COL2A1: variants seen among roughly 807,000 people sequenced by gnomAD.
COL2A1 encodes collagen alpha-1(II) chain.
In COL2A1, 28 loss-of-function variants were observed where a neutral mutation model predicts 204.5. The observed-to-expected ratio is 0.14, with a 90% CI of 0.10 to 0.19. COL2A1 has a LOEUF of 0.19. Among genes scored for constraint, COL2A1 ranks in the 10% least tolerant of loss-of-function variants. The pLI is 1.00. For synonymous variants in COL2A1, 708 were observed against 718.7 expected, an observed-to-expected ratio of 0.99 and a Z score of 0.24; for missense variants, 1,388 against 2,027.5, an observed-to-expected ratio of 0.68 and a Z score of 6.06.
chr12:47,984,500 A>T (rs1335972252), intron 28 of COL2A1, 46 bp downstream of exon 28: 5 of 1,601,098 alleles, frequency 3.1e-6, no homozygotes, highest in Non-Finnish European at 4.3e-6. Flanking sequence ...CTCCCTGCAG[A>T]TGCCCGGCCA....
In COL2A1 at chr12:47,977,113, G is replaced by T; in HGVS notation, c.3316C>A (p.Arg1106=). The change falls in exon 47 of 54, where the codon CGG becomes AGG. Residue 1106 remains arginine, a synonymous_variant. Transcript: ENST00000380518. The part of the protein sequence containing the change: ...PMGPSGPAGA[R]GIQGPQGPRG... ...ACTTGGATACTCACCTGGATTCCCC[G>T]GGCTCCAGCTGGTCCTGAGGGTCCC... The T allele has an allele frequency of 6.2e-7, 1 of 1,608,404 alleles. No individual in the cohort carries two copies. Among genetic ancestry groups the T allele is most frequent in the Non-Finnish European group, 8.5e-7 (1 of 1,177,960 alleles).
chr12:47,995,955 A>G, intron 8 of COL2A1, 36 bp from the exon 9 acceptor site: 1 of 1,574,558 alleles, frequency 6.4e-7, no homozygotes, highest in Non-Finnish European at 8.7e-7. Context: ...TTTACTACAC[A>G]TGCTTCCTCA....
chr12:47,975,556 G>T lies in COL2A1; in HGVS notation c.3647C>A (p.Pro1216His), dbSNP rs1418851351. Reference sequence around the variant, plus strand: ...AGCAAAGGCGGACATGTCGATGCCAGGGCCAGGGGGACCTGGAGGACCAGG... The same window carrying T: ...AGCAAAGGCGGACATGTCGATGCCATGGCCAGGGGGACCTGGAGGACCAGG... ...GPPGPPGPPGPGIDMSAFAGL... is the reference protein window; with the variant it reads ...GPPGPPGPPGHGIDMSAFAGL... The change falls in exon 51 of 54, where the codon CCT (proline) becomes CAT (histidine). Residue 1216 changes from proline (P) to histidine (H), a missense_variant. Pro to His is a moderately conservative substitution (Grantham distance 77). Transcript: ENST00000380518. 1 of 1,603,872 alleles carries T rather than the reference G, an allele frequency of 6.2e-7. No homozygotes were observed. The highest frequency in any genetic ancestry group is 1.1e-5 in the South Asian group (1 of 91,086).
chr12:47,973,811 C>T lies in COL2A1; in HGVS notation c.4318-258G>A, dbSNP rs576171620. On this transcript the variant is annotated intron_variant, in intron 53 of 53. Coordinates refer to ENST00000380518, the MANE Select transcript of COL2A1 (RefSeq NM_001844.5). The stretch of plus-strand genomic sequence containing the variant: ...CCCACAGTGAGCTCCCAACCTGTGA[C>T]CGCTTCTTCACCCTGTACACATTGC... Among the ~76,000 whole-genome samples, 15 of 152,268 alleles carry T rather than the reference C, an allele frequency of 9.9e-5. No individual in the cohort carries two copies. In the South Asian group the frequency reaches 3.1e-3, roughly 32 times the overall value.
At chr12:47,985,117 A>C in intron 26 of COL2A1, 24 bp from the exon 27 acceptor site, 18 of 1,582,606 alleles carry the variant, frequency 1.1e-5, no homozygotes, top group African/African-American at 2.7e-5. Context: ...CACCATTCTC[A>C]GAACATAGAC....
chr12:47,981,808 G>T lies in COL2A1; in HGVS notation c.2377C>A (p.Pro793Thr), dbSNP rs1391341631. 5 of 1,554,632 alleles carry T rather than the reference G, an allele frequency of 3.2e-6. No individual in the cohort carries two copies. In the African/African-American group the frequency reaches 4.1e-5, roughly 13 times the overall value. ...GGRGLTGPIG[P>T]PGPAGANGEK... ...CCATTAGCACCAGCTGGGCCAGGGG[G>T]GCCAATGGGACCTGTCAGGCCCTGC... The change falls in exon 36 of 54, where the codon CCC (proline) becomes ACC (threonine). Residue 793 changes from proline (P) to threonine (T), a missense_variant. Physicochemically the swap from Pro to Thr is conservative, Grantham distance 38 (BLOSUM62 -1). Transcript: ENST00000380518.
Position 47,993,514 on chromosome 12 carries a change from A to T in COL2A1, c.925-12T>A. Reference sequence around the variant, plus strand: ...GAACCACTCTCACCCTGGAAAAATGATGCACAAGGTCAGTGTCTGGGACCC... The same window carrying T: ...GAACCACTCTCACCCTGGAAAAATGTTGCACAAGGTCAGTGTCTGGGACCC... On this transcript the variant is annotated splice_polypyrimidine_tract_variant and intron_variant, in intron 14 of 53. Coordinates refer to ENST00000380518, the MANE Select transcript of COL2A1 (RefSeq NM_001844.5). 1 of 1,613,154 alleles carries T rather than the reference A, an allele frequency of 6.2e-7. No homozygotes were observed. The highest frequency in any genetic ancestry group is 1.7e-4 in the Middle Eastern group (1 of 6,052).
At position 47,980,855 on chromosome 12, in the gene COL2A1, G is replaced by A; in HGVS notation, c.2517+60C>T. 1 of 1,537,504 alleles carries A rather than the reference G, an allele frequency of 6.5e-7. No individual in the cohort carries two copies. The highest frequency in any genetic ancestry group is 8.8e-7 in the Non-Finnish European group (1 of 1,134,066). On this transcript the variant is annotated intron_variant, in intron 38 of 53. Coordinates refer to ENST00000380518, the MANE Select transcript of COL2A1 (RefSeq NM_001844.5). This position sits in a 1 kb window ranked among gnomAD's most constrained non-coding sequence, Gnocchi z 4.5. The stretch of plus-strand genomic sequence containing the variant: ...CCCTGACAAGCTCCGATGCCCGAGG[G>A]TGCTGGATGTGGAACTGGCCTGAGT...
In COL2A1 at chr12:48,004,227, G is replaced by T. The variant is rs769941617; in HGVS notation, c.85+10C>A. The T allele has an allele frequency of 1.3e-6, 2 of 1,541,106 alleles. No homozygotes were observed. Among genetic ancestry groups the T allele is most frequent in the Admixed American group, 2.0e-5 (1 of 50,974 alleles). On this transcript the variant is annotated intron_variant, in intron 1 of 53. Transcript: ENST00000380518. ...AGCAGGCAGGCAGGCAGGGGCGGGG[G>T]AAGACTTACGGACATCCTGGCCCTG...
rs886043589 is a variant in COL2A1 at position 47,985,950 on chromosome 12, G to A, written c.1543C>T (p.Arg515Cys). The change falls in exon 24 of 54, where the codon CGC becomes TGC. Residue 515 changes from arginine (R) to cysteine (C), a missense_variant. Transcript: ENST00000380518. ...AGACCATCTTGACCTGGGAAACCGCGGTTGCCGGGAGCACCCTAAGGAGCC... is the reference window on the plus strand; with the variant it reads ...AGACCATCTTGACCTGGGAAACCGCAGTTGCCGGGAGCACCCTAAGGAGCC... The part of the protein sequence containing the change: ...PPGERGAPGN[R>C]GFPGQDGLAG... 2.6e-6 allele frequency: 4 copies of A among 1,551,542 alleles called. No individual in the cohort carries two copies. Among genetic ancestry groups the A allele is most frequent in the Admixed American group, 2.0e-5 (1 of 50,994 alleles).
chr12:47,993,542 T>C, intron 14 of COL2A1, 40 bp from the exon 15 acceptor site: 8 of 1,591,226 alleles, frequency 5.0e-6, no homozygotes, highest in Non-Finnish European at 6.9e-6. Context: ...TGGGACCCCA[T>C]TCTTGGCCGC....
intron 27 of COL2A1, 41 bp from the exon 28 acceptor site, chr12:47,984,640 G>T: frequency 6.2e-7 from 1 of 1,603,642 alleles, no homozygotes; most frequent in South Asian, 1.1e-5. Flanking sequence ...CGGATGGTTT[G>T]GGAGGGAGTT....
chr12:47,996,357 G>A (rs773657625), intron 8 of COL2A1, among the ~76,000 whole-genome samples, 191 bp downstream of exon 8: 33 of 152,248 alleles, frequency 2.2e-4, no homozygotes, highest in South Asian at 1.7e-3. Flanking sequence ...TCACTCCAGC[G>A]CATCATTAAA....
rs753725812 is a variant in COL2A1 at position 47,987,214 on chromosome 12, G to A, written c.1267-38C>T. 1 of 1,611,652 alleles carries A rather than the reference G, an allele frequency of 6.2e-7. No individual in the cohort carries two copies. Among genetic ancestry groups the A allele is most frequent in the African/African-American group, 1.3e-5 (1 of 74,844 alleles). On this transcript the variant is annotated intron_variant, in intron 20 of 53. Transcript: ENST00000380518. This position sits in a 1 kb window ranked among gnomAD's most constrained non-coding sequence, Gnocchi z 4.1. ...GAAGAAGGGAGGGGTGTCAGGAGAGGGGAGAGGCAGGACTGGGCTCTCCTG... is the reference window on the plus strand; with the variant it reads ...GAAGAAGGGAGGGGTGTCAGGAGAGAGGAGAGGCAGGACTGGGCTCTCCTG...
chr12:47,998,360 G>A lies in COL2A1; in HGVS notation c.309+55C>T, dbSNP rs182026000. On this transcript the variant is annotated intron_variant, in intron 3 of 53. Coordinates refer to ENST00000380518, the MANE Select transcript of COL2A1 (RefSeq NM_001844.5). Reference sequence around the variant, plus strand: ...GGATTAACATAGCATTGCTTTTGAAGCAGAAAATATAAAGCCAAAAAAATA... The same window carrying A: ...GGATTAACATAGCATTGCTTTTGAAACAGAAAATATAAAGCCAAAAAAATA... 8 of 1,535,524 alleles carry A rather than the reference G, an allele frequency of 5.2e-6. No homozygotes were observed. The East Asian group carries it at 1.8e-4, about 34-fold the overall frequency.
chr12:47,996,932 T>C (rs934551536), intron 7 of COL2A1, among the ~76,000 whole-genome samples: 4 of 152,238 alleles, frequency 2.6e-5, no homozygotes, highest in East Asian at 3.8e-4. Context: ...ATTTAACGTA[T>C]ATGGAGAAAC....
At position 47,975,308 on chromosome 12, in the gene COL2A1, C is replaced by G; in HGVS notation, c.3886+9G>C. ...TCCCGGGGCAGGGGATCCTGTTCTC[C>G]AAGCTTACCACTCTTCCACTCAGGG... On this transcript the variant is annotated intron_variant, in intron 51 of 53. Transcript: ENST00000380518. The G allele has an allele frequency of 6.2e-7, 1 of 1,613,588 alleles. No individual in the cohort carries two copies. Among genetic ancestry groups the G allele is most frequent in the Non-Finnish European group, 8.5e-7 (1 of 1,179,938 alleles).
chr12:47,974,104 C>T lies in COL2A1; in HGVS notation c.4302G>A (p.Leu1434=). The change falls in exon 53 of 54, where the codon CTG becomes CTA. Residue 1434 remains leucine, a synonymous_variant. Transcript: ENST00000380518. ...EGNSRFTYTA[L]KDGCTKHTGK... ...CCCCACTCACCGTGCAGCCATCCTT[C>T]AGGGCAGTGTACGTGAACCTGCTAT... 6.2e-7 allele frequency: 1 copy of T among 1,614,244 alleles called. No individual in the cohort carries two copies. Among genetic ancestry groups the T allele is most frequent in the Admixed American group, 1.7e-5 (1 of 60,034 alleles).
intron 41 of COL2A1, among the ~76,000 whole-genome samples, chr12:47,979,077 C>T (rs1463384161): frequency 2.0e-5 from 3 of 152,088 alleles, no homozygotes; most frequent in Non-Finnish European, 2.9e-5. Flanking sequence ...CCCTGCCCCT[C>T]TGACCCCTGA....
Sources: allele counts gnomAD v4.1 joint callset (sites outside exome capture counted in the v4.1 genomes callset), GRCh38; gene constraint gnomAD v4.1.1; non-coding constraint Gnocchi (gnomAD v3.1); transcripts MANE v1.5; gene names NCBI Gene and HGNC (gene_info 2026-07-23, HGNC 2026-07-21).